Variants in ZFYVE1 observed in about 807,000 individuals in gnomAD.
ZFYVE1 encodes zinc finger FYVE domain-containing protein 1.
Under a neutral mutation model 74.4 loss-of-function variants are expected in ZFYVE1, and 30 were observed. The ratio of observed to expected loss-of-function variants is 0.40; its 90% CI spans 0.30 to 0.55. ZFYVE1 has a LOEUF of 0.55. ZFYVE1 is among the 20% of genes least tolerant of loss of function. The pLI is 0.42. For synonymous variants in ZFYVE1, 335 were observed against 385.1 expected (o/e 0.87, Z 1.52); for missense variants, 703 against 1,011.6 (o/e 0.69, Z 4.14).
chr14:73,018,355 C>T (rs150230246), intron 2 of ZFYVE1, among the ~76,000 whole-genome samples: 3 of 145,402 alleles, frequency 2.1e-5, no homozygotes, highest in East Asian at 2.3e-4. Context: ...CGCTTGAACC[C>T]GGGAGGCGGA....
In ZFYVE1 at chr14:73,027,081, G is replaced by A. The variant is rs897245837; in HGVS notation, c.-590C>T. 1.8e-5 allele frequency: 7 copies of A among 399,136 alleles called. No individual in the cohort carries two copies. The highest frequency in any genetic ancestry group is 3.1e-5 in the Non-Finnish European group (7 of 226,570). The allele number at this position is 399,136 out of a possible 1,614,324, so 24.7% of individuals were successfully genotyped here. The stretch of plus-strand genomic sequence containing the variant: ...CTCCCGGGCTTCCTCCTCTCCTGTT[G>A]TCAGTTGGGATCAGCTGATCGGAGT... On this transcript the variant is annotated 5_prime_UTR_variant, in exon 1 of 12. Transcript: ENST00000556143.
At position 72,975,246 on chromosome 14, in the gene ZFYVE1, AC is replaced by A; in HGVS notation, c.1807-288del. ...GGATGACCCTAAATAACCTCTAAAGACCCCTTTTCCTCCAGATTCTTATCTG... is the reference window on the plus strand; with the variant it reads ...GGATGACCCTAAATAACCTCTAAAGACCCTTTTCCTCCAGATTCTTATCTG... On this transcript the variant is annotated intron_variant, in intron 9 of 11. Transcript: ENST00000556143. The surrounding 1 kb of genome is among the most constrained non-coding windows in gnomAD (Gnocchi z 4.1). 2.0e-6 allele frequency: 1 copy of A among 504,152 alleles called. No homozygotes were observed. The highest frequency in any genetic ancestry group is 3.5e-6 in the Non-Finnish European group (1 of 289,070). 31.2% of individuals were successfully genotyped at this position (504,152 alleles called of 1,614,324 possible). A position where few individuals can be genotyped will look rare whatever the true frequency, so the allele number is the denominator to read the frequency against.
chr14:72,993,395 G>C (rs1326778579), intron 3 of ZFYVE1, 38 bp from the exon 4 acceptor site: 4 of 1,467,486 alleles, frequency 2.7e-6, no homozygotes, highest in Non-Finnish European at 3.7e-6. Flanking sequence ...GGTAGTGAGT[G>C]ACATTTAAAA....
At chr14:72,977,860 T>C in intron 8 of ZFYVE1, 67 bp downstream of exon 8, 2 of 1,531,842 alleles carry the variant, frequency 1.3e-6, no homozygotes, top group Non-Finnish European at 1.8e-6. Flanking sequence ...AGGTTCCAGT[T>C]TTCTATACAC....
intron 2 of ZFYVE1, among the ~76,000 whole-genome samples, chr14:73,006,295 CTGGGCGTGG>C (rs1445887450): frequency 6.7e-6 from 1 of 148,178 alleles, no homozygotes; most frequent in Non-Finnish European, 1.5e-5. Flanking sequence ...CTTTACGAGG[CTGGGCGTGG>C]TGGCTCACGC....
intron 3 of ZFYVE1, among the ~76,000 whole-genome samples, chr14:72,993,857 C>T (rs1474091357): frequency 2.0e-5 from 3 of 150,572 alleles, no homozygotes; most frequent in Admixed American, 1.3e-4. Flanking sequence ...GCCATCTCTA[C>T]TAAAAATACT....
rs1037949983 is a variant in ZFYVE1, at chr14:72,979,850, A to C, written c.1311-881T>G. Among the ~76,000 whole-genome samples the C allele has an allele frequency of 1.8e-4, 27 of 152,280 alleles. No homozygotes were observed. In the East Asian group the frequency reaches 4.8e-3, roughly 27 times the overall value. ...GCTGCCAAGATGCAAAATGAAAACC[A>C]ACCCCAAAATTTGGCAATGCATTAA... On this transcript the variant is annotated intron_variant, in intron 5 of 11. Coordinates refer to ENST00000556143, the MANE Select transcript of ZFYVE1 (RefSeq NM_021260.4).
chr14:73,006,709 CTTT>C (rs35364666), intron 2 of ZFYVE1, among the ~76,000 whole-genome samples: 2,093 of 77,356 alleles, frequency 0.027, 13 homozygotes, highest in African/African-American at 0.091. Flanking sequence ...ACCCCAGTTC[CTTT>C]TTTTTTTTTT....
At position 72,988,050 on chromosome 14, in the gene ZFYVE1, A is replaced by C. The variant is rs550133187; in HGVS notation, c.1203+5093T>G. Among the ~76,000 whole-genome samples, 156 of 152,304 alleles carry C rather than the reference A, an allele frequency of 1.0e-3. 4 individuals are homozygous for C. In the South Asian group the frequency reaches 0.03, roughly 29 times the overall value. On this transcript the variant is annotated intron_variant, in intron 4 of 11. Transcript: ENST00000556143. ...CCAAAAACTGTTCTTCTCATTCATC[A>C]CATTTCCAAATCCACATTTCCCGGT...
At position 72,969,823 on chromosome 14, in the gene ZFYVE1, T is replaced by C; in HGVS notation, c.*1059A>G. The C allele has an allele frequency of 1.5e-6, 1 of 679,938 alleles. No homozygotes were observed. Among genetic ancestry groups the C allele is most frequent in the Non-Finnish European group, 2.6e-6 (1 of 378,326 alleles). The allele number at this position is 679,938 out of a possible 1,614,324, so 42.1% of individuals were successfully genotyped here. Reference sequence around the variant, plus strand: ...GGACCAAAGAGATAAATTTTTTCTTTACGATCTGTTGAAATATTTATATAG... The same window carrying C: ...GGACCAAAGAGATAAATTTTTTCTTCACGATCTGTTGAAATATTTATATAG... On this transcript the variant is annotated 3_prime_UTR_variant, in exon 12 of 12. Transcript: ENST00000556143.
intron 2 of ZFYVE1, among the ~76,000 whole-genome samples, chr14:73,015,904 C>T (rs1040952644): frequency 6.6e-6 from 1 of 151,724 alleles, no homozygotes; most frequent in African/African-American, 2.4e-5. Context: ...TCCAGCCTGG[C>T]AACAGAGCAA....
Position 73,024,560 on chromosome 14 carries a change from C to A in ZFYVE1, c.-52G>T. The A allele has an allele frequency of 1.3e-6, 2 of 1,526,836 alleles. No homozygotes were observed. The highest frequency in any genetic ancestry group is 2.3e-5 in the East Asian group (1 of 44,070). 94.6% of individuals were successfully genotyped at this position (1,526,836 alleles called of 1,614,324 possible). On this transcript the variant is annotated 5_prime_UTR_variant, in exon 2 of 12. Coordinates refer to ENST00000556143, the MANE Select transcript of ZFYVE1 (RefSeq NM_021260.4). ...ACCATATAATAGTCACTGAGCTTGC[C>A]CCGGGGGTGAAGACGAAGATTTGAG...
chr14:73,001,561 A>G (rs190089431), intron 2 of ZFYVE1, among the ~76,000 whole-genome samples: 3 of 152,306 alleles, frequency 2.0e-5, no homozygotes, highest in South Asian at 4.1e-4. Flanking sequence ...GTATATTTCC[A>G]AAGTATTAAT....
intron 2 of ZFYVE1, among the ~76,000 whole-genome samples, chr14:73,005,299 G>A (rs1199474565): frequency 6.6e-6 from 1 of 152,120 alleles, no homozygotes; most frequent in Admixed American, 6.6e-5. Flanking sequence ...GCCCAGGAAG[G>A]AACGAAGCTC....
At chr14:72,974,615 A>G (rs1415951985) in intron 10 of ZFYVE1, among the ~76,000 whole-genome samples, 164 bp downstream of exon 10, 1 of 152,208 alleles carries the variant, frequency 6.6e-6, no homozygotes, top group Non-Finnish European at 1.5e-5. Flanking sequence ...AACAGCACCC[A>G]TAGGACGCTG....
intron 2 of ZFYVE1, among the ~76,000 whole-genome samples, chr14:73,020,085 T>A (rs571345769): frequency 6.6e-6 from 1 of 152,098 alleles, no homozygotes; most frequent in East Asian, 1.9e-4. Flanking sequence ...TGAAACTCCA[T>A]CTCTACGAAA....
chr14:73,016,314 A>G (rs1002442404), intron 2 of ZFYVE1, among the ~76,000 whole-genome samples: 1 of 152,094 alleles, frequency 6.6e-6, no homozygotes, highest in Admixed American at 6.5e-5. Context: ...GATCAAGACC[A>G]TCCTGGATAA....
rs139722753 is a variant in ZFYVE1, at chr14:72,974,247, A to C, written c.1988-54T>G. 2.1e-4 allele frequency: 333 copies of C among 1,548,880 alleles called. No homozygotes were observed. In the African/African-American group the frequency reaches 3.8e-3, roughly 18 times the overall value. ...CACCTCTAAGTCCTCTCCCAAATGGAAAACTCAGGGACCAATAGCAGAACG... is the reference window on the plus strand; with the variant it reads ...CACCTCTAAGTCCTCTCCCAAATGGCAAACTCAGGGACCAATAGCAGAACG... On this transcript the variant is annotated intron_variant, in intron 10 of 11. Coordinates refer to ENST00000556143, the MANE Select transcript of ZFYVE1 (RefSeq NM_021260.4).
Position 72,975,804 on chromosome 14 carries a change from A to C in ZFYVE1, c.1636-83T>G. 1.3e-6 allele frequency: 2 copies of C among 1,536,846 alleles called. No individual in the cohort carries two copies. Among genetic ancestry groups the C allele is most frequent in the South Asian group, 1.3e-5 (1 of 79,746 alleles). On this transcript the variant is annotated intron_variant, in intron 8 of 11. Coordinates refer to ENST00000556143, the MANE Select transcript of ZFYVE1 (RefSeq NM_021260.4). This position sits in a 1 kb window ranked among gnomAD's most constrained non-coding sequence, Gnocchi z 4.1. Reference sequence around the variant, plus strand: ...AAGAGGGATGTTTGGTGAGTTGCACACTCACCGTGGCCAACTCAGAACCAC... The same window carrying C: ...AAGAGGGATGTTTGGTGAGTTGCACCCTCACCGTGGCCAACTCAGAACCAC...
Sources: allele counts gnomAD v4.1 joint callset (sites outside exome capture counted in the v4.1 genomes callset), GRCh38; gene constraint gnomAD v4.1.1; non-coding constraint Gnocchi (gnomAD v3.1); transcripts MANE v1.5; gene names NCBI Gene and HGNC (gene_info 2026-07-23, HGNC 2026-07-21).